Variants in AK9 observed in about 807,000 individuals in gnomAD.
AK9 encodes the protein adenylate kinase 9.
Under a neutral mutation model 239.6 loss-of-function variants are expected in AK9, and 191 were observed. The ratio of observed to expected loss-of-function variants is 0.80; its 90% CI spans 0.71 to 0.90. The LOEUF is 0.90. Among genes scored for constraint, AK9 ranks in the 40% least tolerant of loss-of-function variants. AK9 has a pLI of 0.00. For synonymous variants in AK9, 689 were observed against 721.0 expected, an observed-to-expected ratio of 0.96 and a Z score of 0.71; for missense variants, 1,995 against 2,214.7, an observed-to-expected ratio of 0.90 and a Z score of 1.99.
At chr6:109,682,034 G>C (rs1050117912) in intron 1 of AK9, among the ~76,000 whole-genome samples, 2 of 152,126 alleles carry the variant, frequency 1.3e-5, no homozygotes, top group South Asian at 4.1e-4. Flanking sequence ...AAGAACTAGA[G>C]AAGCAACAGT....
At chr6:109,587,478 G>C (rs1431386235) in intron 17 of AK9, among the ~76,000 whole-genome samples, 2 of 152,156 alleles carry the variant, frequency 1.3e-5, no homozygotes, top group Non-Finnish European at 2.9e-5. Flanking sequence ...AAGGCACACT[G>C]TATCAGCCAA....
chr6:109,664,091 C>A (rs1171987992), intron 5 of AK9, among the ~76,000 whole-genome samples: 2 of 152,164 alleles, frequency 1.3e-5, no homozygotes, highest in Non-Finnish European at 2.9e-5. Context: ...AATTATCTTT[C>A]ATAAAATATG....
At position 109,644,756 on chromosome 6, in the gene AK9, C is replaced by A. The variant is rs1583397891; in HGVS notation, c.760-68G>T. 3 of 1,313,662 alleles carry A rather than the reference C, an allele frequency of 2.3e-6. No homozygotes were observed. The East Asian group carries it at 7.0e-5, about 31-fold the overall frequency. 81.4% of individuals were successfully genotyped at this position (1,313,662 alleles called of 1,614,324 possible). ...GAAAAACTGAATACAAGATCAGAATCTTAATATACTGTGCAGATATATTTA... is the reference window on the plus strand; with the variant it reads ...GAAAAACTGAATACAAGATCAGAATATTAATATACTGTGCAGATATATTTA... On this transcript the variant is annotated intron_variant, in intron 8 of 40. Coordinates refer to ENST00000424296, the MANE Select transcript of AK9 (RefSeq NM_001145128.3).
rs1777239833 is a variant in AK9, at chr6:109,497,947, C to A, written c.5065G>T (p.Glu1689Ter). The change falls in exon 37 of 41, where the codon GAA becomes TAA. Residue 1689 changes from glutamate (E) to a stop codon, truncating the protein, a stop_gained. Coordinates refer to ENST00000424296, the MANE Select transcript of AK9 (RefSeq NM_001145128.3). LOFTEE classifies it high-confidence loss of function. ...EKLNKFLENP[E>*]LYVPPLAPHP... ...GGTGCTAAGGGAGGCACGTACAATTCTGGGTTCTCCAAGAATTTCTATTAA... is the reference window on the plus strand; with the variant it reads ...GGTGCTAAGGGAGGCACGTACAATTATGGGTTCTCCAAGAATTTCTATTAA... 6.2e-7 allele frequency: 1 copy of A among 1,613,682 alleles called. No individual in the cohort carries two copies. Among genetic ancestry groups the A allele is most frequent in the Non-Finnish European group, 8.5e-7 (1 of 1,179,598 alleles).
intron 20 of AK9, among the ~76,000 whole-genome samples, chr6:109,573,829 A>G (rs1787728536): frequency 6.6e-6 from 1 of 152,220 alleles, no homozygotes; most frequent in Non-Finnish European, 1.5e-5. Context: ...CTAGGGGTTC[A>G]TTCAAAAATG....
intron 8 of AK9, among the ~76,000 whole-genome samples, chr6:109,649,191 A>T (rs1798543877): frequency 1.3e-5 from 2 of 152,170 alleles, no homozygotes; most frequent in Admixed American, 6.5e-5. Context: ...CAAGACAGGG[A>T]TGCCCTCTCT....
At chr6:109,661,559 A>G (rs955293476) in intron 6 of AK9, among the ~76,000 whole-genome samples, 1 of 152,166 alleles carries the variant, frequency 6.6e-6, no homozygotes, top group African/African-American at 2.4e-5. Flanking sequence ...TGAATGAGAT[A>G]TCTCTGTTAT....
rs766389476 is a variant in AK9, at chr6:109,509,172, C to G, written c.4481+7G>C. On this transcript the variant is annotated splice_region_variant and intron_variant, in intron 33 of 40. Coordinates refer to ENST00000424296, the MANE Select transcript of AK9 (RefSeq NM_001145128.3). ...CTCTGTCCCATCCTCTCACCCCATTCACTTACCCTGCAGTATTGCACACAC... is the reference window on the plus strand; with the variant it reads ...CTCTGTCCCATCCTCTCACCCCATTGACTTACCCTGCAGTATTGCACACAC... 9.0e-6 allele frequency: 14 copies of G among 1,551,334 alleles called. No homozygotes were observed. The African/African-American group carries it at 1.9e-4, about 21-fold the overall frequency.
intron 20 of AK9, among the ~76,000 whole-genome samples, chr6:109,574,774 T>C (rs1246566082): frequency 6.6e-6 from 1 of 152,078 alleles, no homozygotes; most frequent in Non-Finnish European, 1.5e-5. Context: ...AAAAGTTCTT[T>C]GGTGGTGATT....
At chr6:109,683,526 A>T (rs887013489) in intron 1 of AK9, among the ~76,000 whole-genome samples, 21 of 152,218 alleles carry the variant, frequency 1.4e-4, no homozygotes, top group African/African-American at 4.8e-5. Flanking sequence ...AAATCTCCTT[A>T]AGCTGATAAG....
intron 35 of AK9, among the ~76,000 whole-genome samples, chr6:109,505,391 A>G (rs1223692759): frequency 6.6e-6 from 1 of 152,240 alleles, no homozygotes; most frequent in African/African-American, 2.4e-5. Flanking sequence ...GATGTAGATA[A>G]CTTTCCTTGT....
intron 27 of AK9, among the ~76,000 whole-genome samples, chr6:109,534,476 T>G (rs987498323): frequency 6.7e-6 from 1 of 150,218 alleles, no homozygotes; most frequent in African/African-American, 2.4e-5. Flanking sequence ...TATTTTCTTC[T>G]TAATACAAAT....
At chr6:109,665,492 G>A (rs1801058976) in intron 5 of AK9, among the ~76,000 whole-genome samples, 1 of 152,068 alleles carries the variant, frequency 6.6e-6, no homozygotes, top group Non-Finnish European at 1.5e-5. Flanking sequence ...TGCTTTTCTG[G>A]CTCCACACCA....
intron 21 of AK9, among the ~76,000 whole-genome samples, chr6:109,566,965 C>T (rs576468068): frequency 3.3e-5 from 5 of 152,232 alleles, no homozygotes; most frequent in East Asian, 1.9e-4. Context: ...TAAATGCCCA[C>T]AAGAGAAAGC....
chr6:109,528,382 G>C (rs548772101), intron 29 of AK9: 5 of 361,546 alleles, frequency 1.4e-5, no homozygotes, highest in African/African-American at 8.5e-5. Context: ...TGATTTGCCA[G>C]TATTTGAAAC....
At chr6:109,503,271 G>A (rs1777776768) in intron 35 of AK9, among the ~76,000 whole-genome samples, 2 of 151,838 alleles carry the variant, frequency 1.3e-5, no homozygotes, top group African/African-American at 2.4e-5. Flanking sequence ...CTATTTCTTG[G>A]TTGCTCTTTA....
chr6:109,536,214 T>C (rs200189399), intron 27 of AK9, among the ~76,000 whole-genome samples: 1 of 152,106 alleles, frequency 6.6e-6, no homozygotes, highest in Admixed American at 6.6e-5. Context: ...GCCATTTTCA[T>C]GATATTGATT....
intron 17 of AK9, among the ~76,000 whole-genome samples, chr6:109,588,087 T>C (rs1032667562): frequency 1.3e-5 from 2 of 152,122 alleles, no homozygotes; most frequent in East Asian, 1.9e-4. Context: ...CTTTTTTTTT[T>C]TGAGACGGAG....
At chr6:109,578,487 A>C (rs1438564079) in intron 20 of AK9, among the ~76,000 whole-genome samples, 1 of 152,046 alleles carries the variant, frequency 6.6e-6, no homozygotes, top group Non-Finnish European at 1.5e-5. Context: ...TGTTTCATTT[A>C]TCTTTTATTT....
Sources: gnomAD v4.1 joint callset for allele counts (sites outside exome capture counted in the v4.1 genomes callset) on GRCh38, gnomAD v4.1.1 for gene constraint, MANE v1.5 for transcripts, NCBI Gene and HGNC (gene_info 2026-07-23, HGNC 2026-07-21) for gene names.